CABCOCO1: variants seen among roughly 807,000 people sequenced by gnomAD.
CABCOCO1 encodes ciliary-associated calcium-binding coiled-coil protein 1.
CABCOCO1 carries 28 observed loss-of-function variants against 35.7 expected under a neutral mutation model. The ratio of observed to expected loss-of-function variants is 0.78; its 90% CI spans 0.58 to 1.07. The LOEUF (loss-of-function observed/expected upper bound fraction) is 1.07. CABCOCO1 is among the 50% of genes least tolerant of loss of function. The pLI is 0.00. For missense variants in CABCOCO1, 326 were observed against 309.2 expected (o/e 1.05, Z -0.41); for synonymous variants, 95 against 100.1 (o/e 0.95, Z 0.30).
At position 61,681,309 on chromosome 10, in the gene CABCOCO1, A is replaced by G; in HGVS notation, c.331A>G (p.Lys111Glu). 1 of 1,537,054 alleles carries G rather than the reference A, an allele frequency of 6.5e-7. No homozygotes were observed. The highest frequency in any genetic ancestry group is 1.2e-5 in the South Asian group (1 of 86,434). ...ACTAGCTATGTCACTTCAAAATCTT[A>G]AAAGTAAGTACACTATTTTCCTTTG... ...TLLAMSLQNL[K>E]TLHMSLEESI... The change falls in exon 3 of 8, where the codon AAA (lysine) becomes GAA (glutamate). Residue 111 changes from lysine (K) to glutamate (E), a missense_variant. Lys to Glu is a moderately conservative substitution (Grantham distance 56). Coordinates refer to ENST00000648843, the MANE Select transcript of CABCOCO1 (RefSeq NM_001366906.2).
At chr10:61,681,374 T>G (rs1363674892) in intron 3 of CABCOCO1, 62 bp downstream of exon 3, 1 of 1,277,676 alleles carries the variant, frequency 7.8e-7, no homozygotes, top group African/African-American at 1.5e-5. Flanking sequence ...ATTGAGGTTC[T>G]TAAGCAAAAG....
At chr10:61,681,728 C>T (rs772085217) in intron 3 of CABCOCO1, among the ~76,000 whole-genome samples, 3 of 152,038 alleles carry the variant, frequency 2.0e-5, no homozygotes, top group Non-Finnish European at 4.4e-5. Context: ...TTTCTGTGTA[C>T]TGTATGGGAA....
intron 5 of CABCOCO1, among the ~76,000 whole-genome samples, chr10:61,754,885 A>G (rs1327275179): frequency 6.6e-6 from 1 of 152,116 alleles, no homozygotes; most frequent in Non-Finnish European, 1.5e-5. Flanking sequence ...TAAAAATAGA[A>G]CTTGCTATTA....
At chr10:61,686,976 A>G (rs977479895) in intron 4 of CABCOCO1, among the ~76,000 whole-genome samples, 18 of 152,196 alleles carry the variant, frequency 1.2e-4, no homozygotes, top group Non-Finnish European at 2.9e-5. Context: ...TTCCTCTTGT[A>G]CTATATACTC....
At chr10:61,736,811 T>A (rs1283518194) in intron 5 of CABCOCO1, among the ~76,000 whole-genome samples, 1 of 152,220 alleles carries the variant, frequency 6.6e-6, no homozygotes, top group Admixed American at 6.5e-5. Context: ...TCTTCTCTGA[T>A]TTCTTTGAGC....
At position 61,684,237 on chromosome 10, in the gene CABCOCO1, C is replaced by T. The variant is rs531792662; in HGVS notation, c.335-1804C>T. On this transcript the variant is annotated intron_variant, in intron 3 of 7. Coordinates refer to ENST00000648843, the MANE Select transcript of CABCOCO1 (RefSeq NM_001366906.2). Reference sequence around the variant, plus strand: ...TGATCTGGAGGGAGGCAATGGGAAACGAACCAATTGTAATTCATTAAACCA... The same window carrying T: ...TGATCTGGAGGGAGGCAATGGGAAATGAACCAATTGTAATTCATTAAACCA... Among the ~76,000 whole-genome samples the T allele has an allele frequency of 3.0e-4, 46 of 152,276 alleles. 4 individuals are homozygous for T. The South Asian group carries it at 9.3e-3, about 31-fold the overall frequency.
intron 5 of CABCOCO1, among the ~76,000 whole-genome samples, chr10:61,721,811 G>T (rs1284424857): frequency 6.6e-6 from 1 of 152,188 alleles, no homozygotes; most frequent in Non-Finnish European, 1.5e-5. Context: ...TGCTACGACA[G>T]ATTTTGGGTG....
chr10:61,759,119 G>A (rs934244117), intron 5 of CABCOCO1, among the ~76,000 whole-genome samples: 1 of 151,704 alleles, frequency 6.6e-6, no homozygotes, highest in Non-Finnish European at 1.5e-5. Flanking sequence ...GACTTTGTCA[G>A]CATACTGTGG....
intron 7 of CABCOCO1, among the ~76,000 whole-genome samples, chr10:61,765,201 T>G (rs1171070764): frequency 6.6e-6 from 1 of 152,162 alleles, no homozygotes; most frequent in African/African-American, 2.4e-5. Flanking sequence ...CACTGCTTTT[T>G]CTGTATGTAA....
At chr10:61,751,477 A>G (rs1841783887) in intron 5 of CABCOCO1, among the ~76,000 whole-genome samples, 2 of 152,138 alleles carry the variant, frequency 1.3e-5, no homozygotes, top group Admixed American at 1.3e-4. Flanking sequence ...CAAGGCTTTG[A>G]GTCCAGTAAC....
chr10:61,761,957 G>T (rs368758149), intron 7 of CABCOCO1, among the ~76,000 whole-genome samples: 1 of 152,042 alleles, frequency 6.6e-6, no homozygotes, highest in African/African-American at 2.4e-5. Flanking sequence ...TTAATAAGGG[G>T]TGTTTAGTGT....
At chr10:61,670,398 G>C (rs867691465) in intron 1 of CABCOCO1, among the ~76,000 whole-genome samples, 8 of 151,572 alleles carry the variant, frequency 5.3e-5, no homozygotes, top group African/African-American at 1.7e-4. Flanking sequence ...ATATGACCTA[G>C]TTTAGATTAA....
At chr10:61,691,628 T>G (rs1433685043) in intron 5 of CABCOCO1, among the ~76,000 whole-genome samples, 1 of 152,140 alleles carries the variant, frequency 6.6e-6, no homozygotes, top group Non-Finnish European at 1.5e-5. Context: ...TTTCTCCTAA[T>G]ACTATCCCTC....
At chr10:61,688,699 G>A (rs907306157) in intron 4 of CABCOCO1, among the ~76,000 whole-genome samples, 1 of 152,270 alleles carries the variant, frequency 6.6e-6, no homozygotes, top group Non-Finnish European at 1.5e-5. Context: ...CAACCCTGCC[G>A]CTCTGTAAAC....
chr10:61,764,529 T>C, intron 7 of CABCOCO1, among the ~76,000 whole-genome samples: 1 of 152,090 alleles, frequency 6.6e-6, no homozygotes. Context: ...GTGAAATGAC[T>C]TACCTAAGGT....
At chr10:61,703,487 CAAT>C (rs1339721838) in intron 5 of CABCOCO1, among the ~76,000 whole-genome samples, 3 of 152,036 alleles carry the variant, frequency 2.0e-5, no homozygotes, top group African/African-American at 4.8e-5. Flanking sequence ...ATCTTTTCCT[CAAT>C]AATAAGCAAA....
At chr10:61,687,215 C>G (rs1325231713) in intron 4 of CABCOCO1, among the ~76,000 whole-genome samples, 1 of 152,146 alleles carries the variant, frequency 6.6e-6, no homozygotes, top group Non-Finnish European at 1.5e-5. Flanking sequence ...AATGTGGTTT[C>G]TTAATATTAA....
At position 61,719,670 on chromosome 10, in the gene CABCOCO1, C is replaced by T. The variant is rs185124626; in HGVS notation, c.552+29049C>T. Among the ~76,000 whole-genome samples the T allele has an allele frequency of 3.3e-5, 5 of 152,116 alleles. No homozygotes were observed. In the East Asian group the frequency reaches 7.7e-4, roughly 23 times the overall value. The stretch of plus-strand genomic sequence containing the variant: ...GGCGCAGTGGCTCATGCCTGTAATC[C>T]CACCACTTTGGGAGGCCGAGAGGTG... On this transcript the variant is annotated intron_variant, in intron 5 of 7. Coordinates refer to ENST00000648843, the MANE Select transcript of CABCOCO1 (RefSeq NM_001366906.2).
intron 5 of CABCOCO1, among the ~76,000 whole-genome samples, chr10:61,700,934 T>G (rs1840439233): frequency 1.6e-5 from 1 of 63,624 alleles, no homozygotes; most frequent in Admixed American, 1.7e-4. Flanking sequence ...TGTATATGTA[T>G]ACATATACAT....
Sources: gnomAD v4.1 joint callset for allele counts (sites outside exome capture counted in the v4.1 genomes callset) on GRCh38, gnomAD v4.1.1 for gene constraint, MANE v1.5 for transcripts, NCBI Gene and HGNC (gene_info 2026-07-23, HGNC 2026-07-21) for gene names.